Variants in PHKB observed in about 807,000 individuals in gnomAD.
PHKB encodes the protein phosphorylase b kinase regulatory subunit beta.
Under a neutral mutation model 152.1 loss-of-function variants are expected in PHKB, and 122 were observed. The observed-to-expected ratio is 0.80, with a 90% confidence interval of 0.69 to 0.93. The LOEUF is 0.93. Ranked by LOEUF, PHKB falls within the 40% of genes least tolerant of loss-of-function variation. The pLI is 0.00. For missense variants in PHKB, 1,304 were observed against 1,328.4 expected, an observed-to-expected ratio of 0.98 and a Z score of 0.29; for synonymous variants, 436 against 464.9, an observed-to-expected ratio of 0.94 and a Z score of 0.80.
At chr16:47,673,127 G>GT (rs1321364842) in intron 26 of PHKB, among the ~76,000 whole-genome samples, 4 of 30,518 alleles carry the variant, frequency 1.3e-4, no homozygotes, top group African/African-American at 2.6e-4. Context: ...GAGCAATCTG[G>GT]TATTTTTTTT....
intron 6 of PHKB, among the ~76,000 whole-genome samples, chr16:47,520,885 A>G (rs1970674289): frequency 6.6e-6 from 1 of 152,098 alleles, no homozygotes; most frequent in Non-Finnish European, 1.5e-5. Flanking sequence ...TCATTTATCT[A>G]ATTTTTTGTT....
chr16:47,660,432 A>G (rs1050559844), intron 20 of PHKB, 74 bp from the exon 21 acceptor site: 1 of 1,117,044 alleles, frequency 9.0e-7, no homozygotes, highest in South Asian at 1.3e-5. Context: ...AATTACAGAA[A>G]GGTATGCACA....
intron 14 of PHKB, among the ~76,000 whole-genome samples, chr16:47,631,841 G>A (rs1190141214): frequency 1.3e-5 from 2 of 152,146 alleles, no homozygotes; most frequent in African/African-American, 4.8e-5. Flanking sequence ...GTATTCCGTG[G>A]TGTATATGTG....
At chr16:47,499,342 T>C (rs1341989533) in intron 2 of PHKB, among the ~76,000 whole-genome samples, 8 of 152,244 alleles carry the variant, frequency 5.3e-5, no homozygotes, top group African/African-American at 1.4e-4. Flanking sequence ...TGTGATTTAC[T>C]AAATGTATGC....
chr16:47,545,202 A>T (rs1283730762), intron 6 of PHKB, among the ~76,000 whole-genome samples: 9 of 152,244 alleles, frequency 5.9e-5, no homozygotes, highest in African/African-American at 2.2e-4. Flanking sequence ...TGGTCTTTCC[A>T]TCTGGCATGT....
Position 47,489,607 on chromosome 16 carries a change from T to C in PHKB, c.77-7792T>C, listed in dbSNP as rs375545560. Among the ~76,000 whole-genome samples, 6 of 152,308 alleles carry C rather than the reference T, an allele frequency of 3.9e-5. No homozygotes were observed. In the East Asian group the frequency reaches 7.7e-4, roughly 20 times the overall value. ...ATCCTCAAATACCCTGTGAGTTGGGTAACCCTCTCTTAAGGTCCCAAGATA... is the reference window on the plus strand; with the variant it reads ...ATCCTCAAATACCCTGTGAGTTGGGCAACCCTCTCTTAAGGTCCCAAGATA... On this transcript the variant is annotated intron_variant, in intron 1 of 30. Coordinates refer to ENST00000323584, the MANE Select transcript of PHKB (RefSeq NM_000293.3).
intron 7 of PHKB, among the ~76,000 whole-genome samples, chr16:47,576,381 C>A (rs569769553): frequency 6.6e-6 from 1 of 152,236 alleles, no homozygotes; most frequent in East Asian, 1.9e-4. Context: ...ATTGAACCGG[C>A]CTTGTTTCCC....
chr16:47,650,879 A>G lies in PHKB; in HGVS notation c.1929A>G (p.Lys643=). The G allele has an allele frequency of 6.2e-7, 1 of 1,613,912 alleles. No individual in the cohort carries two copies. ...PILDMLAALK[K]GIIGGVKVHV... is the part of the protein sequence containing the mutation. ...TAGATATGCTGGCAGCCCTTAAAAA[A>G]GGAATAATTGGAGGAGTCAAAGTTC... The change falls in exon 20 of 31, where the codon AAA becomes AAG. Residue 643 remains lysine, a synonymous_variant. Coordinates refer to ENST00000323584, the MANE Select transcript of PHKB (RefSeq NM_000293.3).
chr16:47,484,914 C>T (rs576136086), intron 1 of PHKB, among the ~76,000 whole-genome samples: 2 of 152,290 alleles, frequency 1.3e-5, no homozygotes, highest in East Asian at 3.9e-4. Flanking sequence ...AAAAATCACA[C>T]TCCTTTCCCT....
intron 14 of PHKB, among the ~76,000 whole-genome samples, chr16:47,627,834 G>C (rs1597134365): frequency 6.6e-6 from 1 of 152,222 alleles, no homozygotes; most frequent in Non-Finnish European, 1.5e-5. Flanking sequence ...TCTCAGTCAG[G>C]ACATGGCTGT....
chr16:47,504,554 TCTCAGGCCTACTATATTAA>T (rs1301529907), intron 4 of PHKB, among the ~76,000 whole-genome samples: 2 of 152,230 alleles, frequency 1.3e-5, no homozygotes, highest in African/African-American at 4.8e-5. Context: ...TGGTTAGCAG[TCTCAGGCCTACTATATTAA>T]CTCTTTTCAG....
At position 47,669,376 on chromosome 16, in the gene PHKB, T is replaced by C; in HGVS notation, c.2589T>C (p.Asn863=). Residue 863 remains asparagine, a synonymous_variant, in exon 26 of 31, where the codon AAT becomes AAC. Coordinates refer to ENST00000323584, the MANE Select transcript of PHKB (RefSeq NM_000293.3). ...TCCATATTGGCTGGATCATCTCCAA[T>C]AACCCTGAGTTATTCAGTGGCATGC... The part of the protein sequence containing the change: ...LVIHIGWIIS[N]NPELFSGMLK... 1 of 1,614,210 alleles carries C rather than the reference T, an allele frequency of 6.2e-7. No homozygotes were observed.
At chr16:47,625,615 A>C (rs1419155877) in intron 14 of PHKB, among the ~76,000 whole-genome samples, 1 of 152,142 alleles carries the variant, frequency 6.6e-6, no homozygotes, top group African/African-American at 2.4e-5. Context: ...TAAGTCTCAG[A>C]TTTAATGACA....
chr16:47,584,125 A>T (rs1005388786), intron 8 of PHKB, among the ~76,000 whole-genome samples: 1 of 151,890 alleles, frequency 6.6e-6, no homozygotes, highest in Non-Finnish European at 1.5e-5. Flanking sequence ...TGGGACACTG[A>T]GAATAAGATG....
Position 47,693,244 on chromosome 16 carries a change from C to T in PHKB, c.2766-134C>T, listed in dbSNP as rs1470615225. ...AATATTTACTAGCCTCTGTAACACA[C>T]GGAGATATGCATCATTGATGGGCTT... On this transcript the variant is annotated intron_variant, in intron 27 of 30. Transcript: ENST00000323584. 3.1e-5 allele frequency: 25 copies of T among 818,394 alleles called. No individual in the cohort carries two copies. In the Admixed American group the frequency reaches 3.7e-4, roughly 12 times the overall value. 50.7% of individuals were successfully genotyped at this position (818,394 alleles called of 1,614,324 possible).
intron 1 of PHKB, among the ~76,000 whole-genome samples, chr16:47,468,000 A>G (rs1046539235): frequency 2.6e-5 from 4 of 152,150 alleles, no homozygotes; most frequent in African/African-American, 7.2e-5. Context: ...TATCCCAATC[A>G]TGTTCTTCCT....
At chr16:47,600,407 C>T (rs1269441804) in intron 13 of PHKB, among the ~76,000 whole-genome samples, 4 of 152,214 alleles carry the variant, frequency 2.6e-5, no homozygotes, top group Admixed American at 6.5e-5. Context: ...ATATATTTGA[C>T]GTGTCTTAGA....
At chr16:47,503,136 G>T (rs1468288446) in intron 4 of PHKB, 46 bp downstream of exon 4, 1 of 1,216,424 alleles carries the variant, frequency 8.2e-7, no homozygotes, top group East Asian at 2.3e-5. Context: ...CATTCTGAAG[G>T]ATTAATTTAA....
intron 3 of PHKB, among the ~76,000 whole-genome samples, chr16:47,501,043 G>A (rs925022385): frequency 5.9e-5 from 9 of 152,230 alleles, no homozygotes; most frequent in African/African-American, 1.9e-4. Context: ...ACATATTCTA[G>A]GTAAGGACAA....
Sources: allele counts gnomAD v4.1 joint callset (sites outside exome capture counted in the v4.1 genomes callset), GRCh38; gene constraint gnomAD v4.1.1; transcripts MANE v1.5; gene names NCBI Gene and HGNC (gene_info 2026-07-23, HGNC 2026-07-21).